The following LRP1B variants were observed in gnomAD, a reference collection of about 807,000 sequenced individuals.
LRP1B encodes low-density lipoprotein receptor-related protein 1B.
In LRP1B, 217 loss-of-function variants were observed where a neutral mutation model predicts 556.6. The observed-to-expected ratio is 0.39, with a 90% CI of 0.35 to 0.44. The LOEUF is 0.44. Among genes scored for constraint, LRP1B ranks in the 20% least tolerant of loss-of-function variants. LRP1B has a pLI of 1.00. For synonymous variants in LRP1B, 2,047 were observed against 1,865.8 expected, an observed-to-expected ratio of 1.10 and a Z score of -2.50; for missense variants, 5,053 against 5,620.8, an observed-to-expected ratio of 0.90 and a Z score of 3.23.
intron 27 of LRP1B, among the ~76,000 whole-genome samples, chr2:140,856,374 C>T (rs1559158922): frequency 6.6e-6 from 1 of 152,106 alleles, no homozygotes; most frequent in African/African-American, 2.4e-5. Context: ...ATAATTATTG[C>T]TTTTACACAG....
intron 1 of LRP1B, among the ~76,000 whole-genome samples, chr2:141,937,478 A>T (rs1233199718): frequency 1.3e-5 from 2 of 151,840 alleles, no homozygotes; most frequent in Non-Finnish European, 2.9e-5. Context: ...AAACACTTCA[A>T]ATGTATGGAT....
chr2:141,929,569 G>T (rs752434482), intron 1 of LRP1B, among the ~76,000 whole-genome samples: 1 of 151,888 alleles, frequency 6.6e-6, no homozygotes, highest in Non-Finnish European at 1.5e-5. Flanking sequence ...TCTTTCATGG[G>T]AAAATGATTG....
chr2:142,091,810 G>A (rs1345530194), intron 1 of LRP1B, among the ~76,000 whole-genome samples: 1 of 152,154 alleles, frequency 6.6e-6, no homozygotes, highest in African/African-American at 2.4e-5. Context: ...AGCCTCTCTT[G>A]CAGCTACGGA....
At chr2:141,973,601 T>C (rs1701804236) in intron 1 of LRP1B, among the ~76,000 whole-genome samples, 1 of 151,848 alleles carries the variant, frequency 6.6e-6, no homozygotes. Flanking sequence ...GATGAAGACA[T>C]TGATGCTTCC....
intron 2 of LRP1B, among the ~76,000 whole-genome samples, chr2:141,680,229 G>C (rs1434334647): frequency 6.6e-6 from 1 of 152,086 alleles, no homozygotes; most frequent in African/African-American, 2.4e-5. Context: ...ACACTTTCAA[G>C]AAGTTTGATG....
chr2:140,290,282 A>G (rs1683321999), intron 84 of LRP1B, among the ~76,000 whole-genome samples: 1 of 152,098 alleles, frequency 6.6e-6, no homozygotes, highest in South Asian at 2.1e-4. Context: ...GTCACGTAAA[A>G]GAGGTATTAA....
intron 2 of LRP1B, among the ~76,000 whole-genome samples, chr2:141,530,860 C>T (rs537442229): frequency 2.0e-5 from 3 of 150,348 alleles, no homozygotes; most frequent in South Asian, 2.1e-4. Context: ...AAGTTCAGTA[C>T]GCTTGGGGCA....
intron 1 of LRP1B, among the ~76,000 whole-genome samples, chr2:141,831,069 A>G (rs1017580074): frequency 1.3e-5 from 2 of 151,902 alleles, no homozygotes; most frequent in South Asian, 4.1e-4. Context: ...CTTTATTTAA[A>G]TGCATTAATT....
chr2:141,773,918 A>G (rs1694978340), intron 2 of LRP1B, among the ~76,000 whole-genome samples: 1 of 152,238 alleles, frequency 6.6e-6, no homozygotes, highest in Non-Finnish European at 1.5e-5. Context: ...AAAGTGAAAA[A>G]TAAAAACGCA....
intron 2 of LRP1B, among the ~76,000 whole-genome samples, chr2:141,743,741 G>A (rs903740981): frequency 6.6e-6 from 1 of 151,890 alleles, no homozygotes; most frequent in Non-Finnish European, 1.5e-5. Context: ...TATGTTGCAC[G>A]TGTCTAGGAA....
intron 7 of LRP1B, among the ~76,000 whole-genome samples, chr2:141,096,873 T>A (rs904216579): frequency 5.9e-5 from 9 of 152,112 alleles, no homozygotes; most frequent in African/African-American, 2.2e-4. Flanking sequence ...GTAGAAAGTG[T>A]GTAGTTAATG....
At chr2:140,940,073 C>G (rs1695351669) in intron 20 of LRP1B, among the ~76,000 whole-genome samples, 3 of 151,608 alleles carry the variant, frequency 2.0e-5, no homozygotes, top group Non-Finnish European at 4.4e-5. Flanking sequence ...TTGGTAGAGA[C>G]AGGATTTCAC....
At chr2:140,938,716 T>G (rs896494360) in intron 20 of LRP1B, among the ~76,000 whole-genome samples, 9 of 152,082 alleles carry the variant, frequency 5.9e-5, no homozygotes, top group African/African-American at 2.2e-4. Flanking sequence ...GAGGATTAAA[T>G]GAAGTAACAA....
chr2:140,975,108 C>T lies in LRP1B; in HGVS notation c.2887+7052G>A, dbSNP rs547901128. Among the ~76,000 whole-genome samples the T allele has an allele frequency of 4.5e-4, 69 of 152,286 alleles. 1 individual carries two copies. Among genetic ancestry groups the T allele is most frequent in the South Asian group, 1.0e-3 (5 of 4,822 alleles). Reference sequence around the variant, plus strand: ...AAAGACAGCAAACCTTCTCTTGTTACGTCAGTAATGCAACCAAAAGGGCAG... The same window carrying T: ...AAAGACAGCAAACCTTCTCTTGTTATGTCAGTAATGCAACCAAAAGGGCAG... On this transcript the variant is annotated intron_variant, in intron 18 of 90. Transcript: ENST00000389484.
intron 41 of LRP1B, among the ~76,000 whole-genome samples, chr2:140,665,937 C>T (rs1263762363): frequency 1.3e-5 from 2 of 151,476 alleles, no homozygotes; most frequent in African/African-American, 2.4e-5. Flanking sequence ...ACTTTATATA[C>T]TCATTCTCAA....
chr2:140,743,662 T>G (rs1053119034), intron 35 of LRP1B, among the ~76,000 whole-genome samples: 1 of 152,024 alleles, frequency 6.6e-6, no homozygotes, highest in South Asian at 2.1e-4. Flanking sequence ...TATTATTCAC[T>G]AAAGAGTAAA....
chr2:141,467,459 A>C (rs2105060121), intron 3 of LRP1B, among the ~76,000 whole-genome samples: 1 of 152,284 alleles, frequency 6.6e-6, no homozygotes, highest in African/African-American at 2.4e-5. Flanking sequence ...ATTGCTAAGC[A>C]TTGACCATGT....
intron 41 of LRP1B, among the ~76,000 whole-genome samples, chr2:140,645,538 T>TA (rs2105308516): frequency 7.9e-6 from 1 of 126,122 alleles, no homozygotes; most frequent in East Asian, 2.1e-4. Context: ...ATATTCTTTT[T>TA]TTTTTTTTTT....
intron 41 of LRP1B, among the ~76,000 whole-genome samples, chr2:140,645,610 G>A (rs1684453802): frequency 8.0e-6 from 1 of 125,246 alleles, no homozygotes; most frequent in Admixed American, 1.0e-4. Flanking sequence ...CACGATCTCC[G>A]CTCACTGCAA....
Sources: gnomAD v4.1 joint callset for allele counts (sites outside exome capture counted in the v4.1 genomes callset) on GRCh38, gnomAD v4.1.1 for gene constraint, MANE v1.5 for transcripts, NCBI Gene and HGNC (gene_info 2026-07-23, HGNC 2026-07-21) for gene names.